The following SEMA3E variants were observed in gnomAD, a reference collection of about 807,000 sequenced individuals.
The protein encoded by SEMA3E is semaphorin 3E.
SEMA3E carries 49 observed loss-of-function variants against 93.6 expected under a neutral mutation model. That is an observed-to-expected ratio of 0.52 (90% CI 0.42 to 0.66). The LOEUF (loss-of-function observed/expected upper bound fraction) is 0.66. Ranked by LOEUF, SEMA3E falls within the 30% of genes least tolerant of loss-of-function variation. The pLI is 0.00. For synonymous variants in SEMA3E, 363 were observed against 330.7 expected (o/e 1.10, Z -1.06); for missense variants, 906 against 964.8 (o/e 0.94, Z 0.81).
At chr7:83,471,332 G>T (rs577271294) in intron 2 of SEMA3E, among the ~76,000 whole-genome samples, 1 of 133,096 alleles carries the variant, frequency 7.5e-6, no homozygotes, top group African/African-American at 2.6e-5. Context: ...TAAAAAAAAA[G>T]TGTTGAAATC....
chr7:83,529,409 A>G (rs1791236006), intron 1 of SEMA3E, among the ~76,000 whole-genome samples: 1 of 152,162 alleles, frequency 6.6e-6, no homozygotes, highest in South Asian at 2.1e-4. Flanking sequence ...TAATTATGGT[A>G]ATTTGAGCTG....
intron 4 of SEMA3E, among the ~76,000 whole-genome samples, chr7:83,466,234 T>C (rs1027639834): frequency 9.2e-5 from 14 of 152,176 alleles, no homozygotes; most frequent in African/African-American, 3.4e-4. Flanking sequence ...GAGATGTTCT[T>C]AGTGGGCAAA....
chr7:83,403,739 C>A, intron 9 of SEMA3E, among the ~76,000 whole-genome samples: 1 of 151,830 alleles, frequency 6.6e-6, no homozygotes, highest in Non-Finnish European at 1.5e-5. Flanking sequence ...CTGTCCTACA[C>A]CCCCAATTTA....
intron 1 of SEMA3E, among the ~76,000 whole-genome samples, chr7:83,537,326 C>T (rs1367089612): frequency 2.0e-5 from 3 of 152,116 alleles, no homozygotes; most frequent in Non-Finnish European, 2.9e-5. Flanking sequence ...TAAAAATATC[C>T]ATACCTACAT....
intron 1 of SEMA3E, among the ~76,000 whole-genome samples, chr7:83,532,655 CTCAATACT>C (rs1791324727): frequency 6.6e-6 from 1 of 151,528 alleles, no homozygotes; most frequent in Admixed American, 6.6e-5. Flanking sequence ...GACTTATTCT[CTCAATACT>C]TCAATTTAAT....
intron 1 of SEMA3E, among the ~76,000 whole-genome samples, chr7:83,547,569 G>A (rs910399168): frequency 5.3e-5 from 8 of 152,020 alleles, no homozygotes; most frequent in Admixed American, 1.3e-4. Context: ...GAGCTGGTCC[G>A]CTGTGGTCAG....
At chr7:83,469,807 A>G (rs1318017771) in intron 2 of SEMA3E, among the ~76,000 whole-genome samples, 1 of 151,914 alleles carries the variant, frequency 6.6e-6, no homozygotes, top group Non-Finnish European at 1.5e-5. Flanking sequence ...ATTATCTTTT[A>G]TTTTTTTGAG....
At chr7:83,558,063 A>G (rs982307714) in intron 1 of SEMA3E, among the ~76,000 whole-genome samples, 9 of 152,144 alleles carry the variant, frequency 5.9e-5, no homozygotes, top group African/African-American at 2.2e-4. Flanking sequence ...CAATTAAGTT[A>G]TCCATTGATT....
At chr7:83,586,937 TAGG>T (rs1562844092) in intron 1 of SEMA3E, among the ~76,000 whole-genome samples, 1 of 152,142 alleles carries the variant, frequency 6.6e-6, no homozygotes, top group Non-Finnish European at 1.5e-5. Flanking sequence ...TCTTTCAGCA[TAGG>T]AGATTTCATG....
chr7:83,368,130 A>T, intron 16 of SEMA3E, 92 bp from the exon 17 acceptor site: 1 of 1,137,970 alleles, frequency 8.8e-7, no homozygotes. Context: ...GAATTTTTTC[A>T]TTTTCACTGT....
At chr7:83,397,944 T>C (rs976211868) in intron 11 of SEMA3E, among the ~76,000 whole-genome samples, 4 of 152,208 alleles carry the variant, frequency 2.6e-5, no homozygotes, top group Admixed American at 6.5e-5. Context: ...TTGACAATTA[T>C]ATCAGGCAAA....
chr7:83,623,491 TGTA>T (rs1382865644), intron 1 of SEMA3E, among the ~76,000 whole-genome samples: 2 of 152,266 alleles, frequency 1.3e-5, no homozygotes, highest in African/African-American at 4.8e-5. Flanking sequence ...ATTAATAACT[TGTA>T]GTGAGATTCA....
intron 16 of SEMA3E, chr7:83,373,105 C>T (rs1170495141): frequency 1.3e-5 from 2 of 149,962 alleles, no homozygotes; most frequent in African/African-American, 2.4e-5. Context: ...TTTTATTATT[C>T]TTAGCTATAA....
chr7:83,517,135 T>C (rs1790945156), intron 1 of SEMA3E, among the ~76,000 whole-genome samples: 1 of 152,134 alleles, frequency 6.6e-6, no homozygotes, highest in South Asian at 2.1e-4. Context: ...TATAAGCACA[T>C]GCATTTAAAT....
intron 10 of SEMA3E, among the ~76,000 whole-genome samples, chr7:83,400,767 A>G (rs1408075997): frequency 1.3e-5 from 2 of 152,190 alleles, no homozygotes; most frequent in Non-Finnish European, 2.9e-5. Flanking sequence ...GTTTAACATC[A>G]TACATATTCA....
intron 4 of SEMA3E, among the ~76,000 whole-genome samples, chr7:83,443,317 A>G (rs1348856975): frequency 2.0e-5 from 3 of 152,218 alleles, no homozygotes; most frequent in African/African-American, 4.8e-5. Flanking sequence ...GAAAGAGCCC[A>G]TTAGGTATCC....
intron 1 of SEMA3E, among the ~76,000 whole-genome samples, chr7:83,601,991 A>G (rs1327133695): frequency 1.3e-5 from 2 of 152,200 alleles, no homozygotes; most frequent in South Asian, 2.1e-4. Context: ...ATTCCTGGGC[A>G]TATACTAAGA....
At chr7:83,574,429 G>A (rs1299009425) in intron 1 of SEMA3E, among the ~76,000 whole-genome samples, 1 of 147,942 alleles carries the variant, frequency 6.8e-6, no homozygotes, top group African/African-American at 2.5e-5. Context: ...GCCATACACT[G>A]AGAAAAAGAG....
chr7:83,500,449 A>C (rs1358620814), intron 1 of SEMA3E, among the ~76,000 whole-genome samples: 1 of 152,128 alleles, frequency 6.6e-6, no homozygotes, highest in East Asian at 1.9e-4. Context: ...AAAACAAAAA[A>C]CAAAACAACA....
Sources: gnomAD v4.1 joint callset for allele counts (sites outside exome capture counted in the v4.1 genomes callset) on GRCh38, gnomAD v4.1.1 for gene constraint, MANE v1.5 for transcripts, NCBI Gene and HGNC (gene_info 2026-07-23, HGNC 2026-07-21) for gene names.